Variants in CELF2 observed in about 807,000 individuals in gnomAD.
CELF2 encodes CUG triplet repeat RNA-binding protein 2.
A neutral mutation model predicts 62.6 loss-of-function variants in CELF2; 8 were observed. The ratio of observed to expected loss-of-function variants is 0.13; its 90% confidence interval spans 0.07 to 0.23. The LOEUF (loss-of-function observed/expected upper bound fraction) is 0.23. Ranked by LOEUF, CELF2 falls within the 10% of genes least tolerant of loss-of-function variation. CELF2 has a pLI of 1.00. For missense variants in CELF2, 333 were observed against 671.0 expected (o/e 0.50, Z 5.56); for synonymous variants, 258 against 250.0 (o/e 1.03, Z -0.30).
Position 11,257,262 on chromosome 10 carries a change from G to A in CELF2, c.404-476G>A, listed in dbSNP as rs916223724. Among the ~76,000 whole-genome samples the A allele has an allele frequency of 4.2e-5, 6 of 141,686 alleles. No individual in the cohort carries two copies. The South Asian group carries it at 6.7e-4, about 16-fold the overall frequency. 93.0% of individuals were successfully genotyped at this position (141,686 alleles called of 152,430 possible). A position where few individuals can be genotyped will look rare whatever the true frequency, so the allele number is the denominator to read the frequency against. ...TGTGAAAAGTTTCATTCGCTGTTTC[G>A]CTCCATCTGCCCCCATCGTCTTTCC... On this transcript the variant is annotated intron_variant, in intron 4 of 12. Transcript: ENST00000633077.
At chr10:11,118,268 G>A (rs1478431503) in intron 1 of CELF2, among the ~76,000 whole-genome samples, 1 of 151,936 alleles carries the variant, frequency 6.6e-6, no homozygotes, top group Non-Finnish European at 1.5e-5. Context: ...TGAACCCAAG[G>A]CTTGGTGTAC....
rs2082839760 is a variant in CELF2 at position 11,268,652 on chromosome 10, T to A, written c.618+1975T>A. 1.3e-5 allele frequency among the ~76,000 whole-genome samples: 2 copies of A among 152,194 alleles called. No individual in the cohort carries two copies. The highest frequency in any genetic ancestry group is 6.5e-5 in the Admixed American group (1 of 15,278). On this transcript the variant is annotated intron_variant, in intron 6 of 12. Coordinates refer to ENST00000633077, the MANE Select transcript of CELF2 (RefSeq NM_001326342.2). This position sits in a 1 kb window ranked among gnomAD's most constrained non-coding sequence, Gnocchi z 4.7. ...AAATTTGGTGTTTAAAACTGGACAT[T>A]CATGCTTACACAGAGGGGTCCTCTG...
the CELF2 span, among the ~76,000 whole-genome samples, chr10:10,475,901 GCT>G: frequency 1.3e-5 from 2 of 152,012 alleles, no homozygotes; most frequent in African/African-American, 4.8e-5. Context: ...AAGCTGTTTA[GCT>G]CTTTCTTTTG....
At position 11,064,896 on chromosome 10, in the gene CELF2, T is replaced by A. The variant is rs116347478; in HGVS notation, c.74+46733T>A. On this transcript the variant is annotated intron_variant, in intron 1 of 12. Coordinates refer to ENST00000633077, the MANE Select transcript of CELF2 (RefSeq NM_001326342.2). The stretch of plus-strand genomic sequence containing the variant: ...GGGAATCATCTAACATTAGACCAGG[T>A]AGAAAAATACTGCAAAAGCTTTGCA... Among the ~76,000 whole-genome samples the A allele has an allele frequency of 7.6e-3, 1,154 of 152,266 alleles. 14 individuals carry two copies. Among genetic ancestry groups the A allele is most frequent in the African/African-American group, 0.027 (1,105 of 41,534 alleles).
chr10:10,494,604 AT>A, the CELF2 span, among the ~76,000 whole-genome samples: 162 of 152,266 alleles, frequency 1.1e-3, no homozygotes, highest in Non-Finnish European at 1.8e-3. Context: ...TCCTCAGATC[AT>A]TTTTTTATAC....
intron 1 of CELF2, among the ~76,000 whole-genome samples, chr10:10,874,114 C>G (rs1041434893): frequency 6.6e-6 from 1 of 152,152 alleles, no homozygotes; most frequent in South Asian, 2.1e-4. Context: ...GAGTTTGACA[C>G]CAGCCAGGGC....
intron 2 of CELF2, among the ~76,000 whole-genome samples, chr10:10,939,168 C>T (rs112587343): frequency 4.3e-4 from 35 of 81,396 alleles, no homozygotes; most frequent in African/African-American, 1.2e-3. Flanking sequence ...GTAACCCCAT[C>T]ACCTAGGCTG....
intron 8 of CELF2, among the ~76,000 whole-genome samples, chr10:11,287,047 C>T (rs1420796774): frequency 6.6e-6 from 1 of 152,180 alleles, no homozygotes; most frequent in Non-Finnish European, 1.5e-5. Flanking sequence ...CTGAGCTGCG[C>T]CCGTGGCTGG....
intron 2 of CELF2, among the ~76,000 whole-genome samples, chr10:10,958,730 G>A (rs2049161554): frequency 6.6e-6 from 1 of 152,078 alleles, no homozygotes; most frequent in African/African-American, 2.4e-5. Context: ...GTAAGTCCCA[G>A]CTACTCAGGA....
chr10:10,686,319 G>C, the CELF2 span, among the ~76,000 whole-genome samples: 4 of 81,016 alleles, frequency 4.9e-5, no homozygotes, highest in Non-Finnish European at 9.0e-5. Context: ...TTGGGGGGGG[G>C]GGTGGGGTGG....
chr10:10,762,531 T>G, the CELF2 span, among the ~76,000 whole-genome samples: 1 of 152,146 alleles, frequency 6.6e-6, no homozygotes, highest in African/African-American at 2.4e-5. Flanking sequence ...CTATTCCAGA[T>G]GTCTACACGT....
Position 10,891,281 on chromosome 10 carries a change from G to A in CELF2, c.54-28683G>A, listed in dbSNP as rs182959867. On this transcript the variant is annotated intron_variant, in intron 1 of 13. Coordinates refer to the CELF2 transcript ENST00000636488. Reference sequence around the variant, plus strand: ...ATCCTTAGCCAAATAAGGGCGTCTGGGGAGCAAGCAACACTAACTTAGCCT... The same window carrying A: ...ATCCTTAGCCAAATAAGGGCGTCTGAGGAGCAAGCAACACTAACTTAGCCT... 1.4e-3 allele frequency among the ~76,000 whole-genome samples: 213 copies of A among 152,072 alleles called. 1 individual carries two copies. The highest frequency in any genetic ancestry group is 5.6e-3 in the East Asian group (29 of 5,178).
At chr10:10,647,642 G>T in the CELF2 span, among the ~76,000 whole-genome samples, 1 of 152,174 alleles carries the variant, frequency 6.6e-6, no homozygotes, top group Non-Finnish European at 1.5e-5. Context: ...TCTGTGACGT[G>T]ATGGAGCATA....
At chr10:10,746,357 C>T in the CELF2 span, among the ~76,000 whole-genome samples, 10 of 152,126 alleles carry the variant, frequency 6.6e-5, no homozygotes, top group Admixed American at 5.9e-4. Flanking sequence ...TTAGTCACCC[C>T]GTTTGCTTAC....
At chr10:11,028,081 A>G (rs1430830506) in intron 1 of CELF2, among the ~76,000 whole-genome samples, 3 of 152,186 alleles carry the variant, frequency 2.0e-5, no homozygotes, top group Non-Finnish European at 4.4e-5. Context: ...TGTTGCTCCC[A>G]AGTGAACTTT....
the CELF2 span, among the ~76,000 whole-genome samples, chr10:10,650,534 G>A: frequency 1.7e-5 from 2 of 120,462 alleles, no homozygotes; most frequent in South Asian, 8.6e-4. Context: ...GCAAAAAATT[G>A]AAACAGCCTA....
At chr10:10,783,772 A>G in the CELF2 span, among the ~76,000 whole-genome samples, 303 of 152,274 alleles carry the variant, frequency 2.0e-3, no homozygotes, top group African/African-American at 6.8e-3. Context: ...AGATCACGGC[A>G]TCAAGAGATT....
the CELF2 span, among the ~76,000 whole-genome samples, chr10:10,488,942 C>G: frequency 6.6e-6 from 1 of 152,090 alleles, no homozygotes; most frequent in Admixed American, 6.6e-5. Context: ...ACACCCTCCT[C>G]TACTGAAAGT....
chr10:10,519,130 A>C, the CELF2 span, among the ~76,000 whole-genome samples: 10 of 152,330 alleles, frequency 6.6e-5, no homozygotes, highest in Non-Finnish European at 1.2e-4. Flanking sequence ...AACAGAATTT[A>C]GCAAAATGGA....
Sources: gnomAD v4.1 joint callset for allele counts (sites outside exome capture counted in the v4.1 genomes callset) on GRCh38, gnomAD v4.1.1 for gene constraint, Gnocchi (gnomAD v3.1) non-coding constraint, MANE v1.5 for transcripts, NCBI Gene and HGNC (gene_info 2026-07-23, HGNC 2026-07-21) for gene names.